Variants in USP2 observed in about 807,000 individuals in gnomAD.
The protein encoded by USP2 is ubiquitin carboxyl-terminal hydrolase 2.
USP2 carries 33 observed loss-of-function variants against 72.0 expected under a neutral mutation model. The ratio of observed to expected loss-of-function variants is 0.46; its 90% CI spans 0.35 to 0.61. The LOEUF (loss-of-function observed/expected upper bound fraction) is 0.61. Ranked by LOEUF, USP2 falls within the 20% of genes least tolerant of loss-of-function variation. The pLI, the probability that USP2 is intolerant of heterozygous loss-of-function variation, is 0.01. For synonymous variants in USP2, 296 were observed against 312.5 expected (o/e 0.95, Z 0.56); for missense variants, 691 against 797.8 (o/e 0.87, Z 1.61).
intron 2 of USP2, among the ~76,000 whole-genome samples, chr11:119,371,919 C>G (rs929068817): frequency 6.6e-6 from 1 of 152,188 alleles, no homozygotes; most frequent in African/African-American, 2.4e-5. Flanking sequence ...TCTTTTTCCT[C>G]CTCTGAGAGC....
At chr11:119,357,402 G>A in intron 11 of USP2, 81 bp downstream of exon 11, 1 of 1,608,586 alleles carries the variant, frequency 6.2e-7, no homozygotes, top group Non-Finnish European at 8.5e-7. Context: ...GCTGGTGCTG[G>A]CAGCTCCCCT....
rs770632472 is a variant in USP2, at chr11:119,372,837, G to A, written c.644C>T (p.Ala215Val). The A allele has an allele frequency of 1.3e-5, 21 of 1,608,050 alleles. No individual in the cohort carries two copies. Among genetic ancestry groups the A allele is most frequent in the South Asian group, 5.5e-5 (5 of 90,216 alleles). ...GATTTCAGGGACTCGTGAGGGAGGG[G>A]CCTGGGAGGGCACCTGAGATGCACT... ...KGSASQVPSQ[A>V]PPSRVPEIIS... The change falls in exon 2 of 13, where the codon GCC becomes GTC. Residue 215 changes from alanine (A) to valine (V), a missense_variant. Physicochemically the swap from Ala to Val is moderately conservative, Grantham distance 64. Coordinates refer to ENST00000260187, the MANE Select transcript of USP2 (RefSeq NM_004205.5).
rs1464776602 is a variant in USP2, at chr11:119,373,209, C to A, written c.272G>T (p.Arg91Leu). The part of the protein sequence containing the change: ...LRPDITGGGK[R>L]AESQTRGTER... The stretch of plus-strand genomic sequence containing the variant: ...AGTACCCCGGGTCTGGCTCTCTGCC[C>A]GCTTACCACCCCCAGTGATGTCGGG... The change falls in exon 2 of 13, where the codon CGG (arginine) becomes CTG (leucine). Residue 91 changes from arginine (R) to leucine (L), a missense_variant. Arg to Leu is a moderately radical substitution (Grantham distance 102). Transcript: ENST00000260187. The A allele has an allele frequency of 2.5e-6, 4 of 1,613,986 alleles. No individual in the cohort carries two copies. The highest frequency in any genetic ancestry group is 3.4e-6 in the Non-Finnish European group (4 of 1,179,960).
chr11:119,379,832 A>G (rs1399198320), intron 1 of USP2, among the ~76,000 whole-genome samples: 1 of 151,148 alleles, frequency 6.6e-6, no homozygotes. Context: ...TATTATAATT[A>G]GTGGTATTAT....
chr11:119,376,843 C>T (rs1380345851), intron 1 of USP2, among the ~76,000 whole-genome samples: 5 of 152,274 alleles, frequency 3.3e-5, no homozygotes, highest in Admixed American at 2.0e-4. Flanking sequence ...CAGCTCTCAT[C>T]GGCCCTTGCC....
chr11:119,375,883 G>T (rs1394853852), intron 1 of USP2, among the ~76,000 whole-genome samples: 1 of 152,216 alleles, frequency 6.6e-6, no homozygotes, highest in Non-Finnish European at 1.5e-5. Flanking sequence ...GGGACAGACA[G>T]CTCTGAAAGG....
rs572000454 is a variant in USP2 at position 119,376,833 on chromosome 11, C to G, written c.-41-3312G>C. Among the ~76,000 whole-genome samples, 151 of 152,390 alleles carry G rather than the reference C, an allele frequency of 9.9e-4. 1 individual carries two copies. Among genetic ancestry groups the G allele is most frequent in the Non-Finnish European group, 1.9e-3 (132 of 68,048 alleles). On this transcript the variant is annotated intron_variant, in intron 1 of 12. Coordinates refer to ENST00000260187, the MANE Select transcript of USP2 (RefSeq NM_004205.5). ...GTCCATCTTCTCTGCAGTCTCACATCAGCTCTCATCGGCCCTTGCCATGTG... is the reference window on the plus strand; with the variant it reads ...GTCCATCTTCTCTGCAGTCTCACATGAGCTCTCATCGGCCCTTGCCATGTG...
At chr11:119,359,497 TC>T (rs780119815) in intron 4 of USP2, 39 bp downstream of exon 4, 2 of 1,611,532 alleles carry the variant, frequency 1.2e-6, no homozygotes, top group Non-Finnish European at 1.7e-6. Flanking sequence ...TGGAGGAGCA[TC>T]CGGGGGTAGG....
chr11:119,359,767 G>A (rs1447311321), intron 3 of USP2, 107 bp from the exon 4 acceptor site: 1 of 1,474,276 alleles, frequency 6.8e-7, no homozygotes, highest in African/African-American at 1.4e-5. Context: ...TCCTTTCATA[G>A]GAGGCTATCC....
intron 2 of USP2, among the ~76,000 whole-genome samples, chr11:119,367,277 A>C (rs941047890): frequency 6.6e-6 from 1 of 152,192 alleles, no homozygotes; most frequent in South Asian, 2.1e-4. Context: ...CTATAGGATA[A>C]GTAATTTTTG....
At chr11:119,359,738 C>T in intron 3 of USP2, 78 bp from the exon 4 acceptor site, 1 of 1,560,430 alleles carries the variant, frequency 6.4e-7, no homozygotes, top group South Asian at 1.2e-5. Context: ...CAGAGGCTCT[C>T]TGGTTCATCT....
At chr11:119,356,999 A>AGGCC (rs1591313688) in intron 12 of USP2, 77 bp from the exon 13 acceptor site, 5 of 1,509,502 alleles carry the variant, frequency 3.3e-6, no homozygotes, top group Non-Finnish European at 9.0e-7. Flanking sequence ...TGTGCCCCCG[A>AGGCC]GGCCGGCCGG....
At chr11:119,371,152 G>A (rs1024721095) in intron 2 of USP2, among the ~76,000 whole-genome samples, 2 of 152,126 alleles carry the variant, frequency 1.3e-5, no homozygotes, top group African/African-American at 4.8e-5. Context: ...GTTAAGCCCT[G>A]CAGTGACTCT....
rs1465492182 is a variant in USP2, at chr11:119,356,243, C to G, written c.*592G>C. 2.0e-5 allele frequency: 3 copies of G among 152,396 alleles called. No individual in the cohort carries two copies. Among genetic ancestry groups the G allele is most frequent in the African/African-American group, 7.3e-5 (3 of 41,324 alleles). The allele number at this position is 152,396 out of a possible 1,614,324, so 9.4% of individuals were successfully genotyped here. On this transcript the variant is annotated 3_prime_UTR_variant, in exon 13 of 13. Transcript: ENST00000260187. ...ATGAAGAGGCCTGAAGGAGAGCACT[C>G]CAGTCTGAACACTTTAGTTATGGAA... is the stretch of plus-strand genomic sequence containing the variant.
chr11:119,365,298 G>A (rs1950836758), intron 2 of USP2, among the ~76,000 whole-genome samples: 1 of 152,234 alleles, frequency 6.6e-6, no homozygotes, highest in African/African-American at 2.4e-5. Context: ...ACACACGTAT[G>A]GCAGTACCCC....
rs951935122 is a variant in USP2 at position 119,363,809 on chromosome 11, A to G, written c.775-3575T>C. The G allele has an allele frequency of 5.5e-5, 75 of 1,364,372 alleles. No individual in the cohort carries two copies. The African/African-American group carries it at 9.1e-4, about 16-fold the overall frequency. The allele number at this position is 1,364,372 out of a possible 1,614,324, so 84.5% of individuals were successfully genotyped here. A position where few individuals can be genotyped will look rare whatever the true frequency, so the allele number is the denominator to read the frequency against. On this transcript the variant is annotated intron_variant, in intron 2 of 12. Coordinates refer to ENST00000260187, the MANE Select transcript of USP2 (RefSeq NM_004205.5). ...GAGGCCAGGGAGAAGGCGGGACCCC[A>G]GGCCCTCGGCGCGGGGGTCCCGGAA...
At chr11:119,381,368 A>G in intron 1 of USP2, 105 bp downstream of exon 1, 1 of 1,221,508 alleles carries the variant, frequency 8.2e-7, no homozygotes, top group East Asian at 2.6e-5. Flanking sequence ...CTATATTTCT[A>G]GTGTCCACTC....
In USP2 at chr11:119,356,637, G is replaced by A; in HGVS notation, c.*198C>T. ...GCTCCACGTCCAGGCGATCTTCCCT[G>A]CCGGGCCACAGCTCAGGAAAGCCCG... On this transcript the variant is annotated 3_prime_UTR_variant, in exon 13 of 13. Coordinates refer to ENST00000260187, the MANE Select transcript of USP2 (RefSeq NM_004205.5). 1.7e-6 allele frequency: 1 copy of A among 579,170 alleles called. No individual in the cohort carries two copies. Among genetic ancestry groups the A allele is most frequent in the Non-Finnish European group, 3.0e-6 (1 of 336,690 alleles). The allele number at this position is 579,170 out of a possible 1,614,324, so 35.9% of individuals were successfully genotyped here.
In USP2 at chr11:119,374,854, A is replaced by G. The variant is rs529029848; in HGVS notation, c.-41-1333T>C. Among the ~76,000 whole-genome samples, 5 of 152,170 alleles carry G rather than the reference A, an allele frequency of 3.3e-5. No homozygotes were observed. The East Asian group carries it at 9.6e-4, about 29-fold the overall frequency. ...TGGGTGATTTTGCACTAGTCACGTA[A>G]CCTCTCTGAGCCCCAACTTCCTCAT... On this transcript the variant is annotated intron_variant, in intron 1 of 12. Coordinates refer to ENST00000260187, the MANE Select transcript of USP2 (RefSeq NM_004205.5).
Sources: gnomAD v4.1 joint callset for allele counts (sites outside exome capture counted in the v4.1 genomes callset) on GRCh38, gnomAD v4.1.1 for gene constraint, MANE v1.5 for transcripts, NCBI Gene and HGNC (gene_info 2026-07-23, HGNC 2026-07-21) for gene names.